Variants in MTMR8 observed in about 807,000 individuals in gnomAD.
The protein encoded by MTMR8 is phosphatidylinositol-3,5-bisphosphate 3-phosphatase MTMR8.
A neutral mutation model predicts 39.3 loss-of-function variants in MTMR8; 65 were observed. That is an observed-to-expected ratio of 1.65 (90% CI 1.35 to 2.03). The LOEUF (loss-of-function observed/expected upper bound fraction) is 2.03. Among genes scored for constraint, MTMR8 ranks in the 30% most tolerant of loss-of-function variants. The pLI, the probability that MTMR8 is intolerant of heterozygous loss-of-function variation, is 0.00. For synonymous variants in MTMR8, 245 were observed against 185.2 expected (o/e 1.32, Z -2.62); for missense variants, 777 against 538.9 (o/e 1.44, Z -4.37).
intron 12 of MTMR8, among the ~76,000 whole-genome samples, chrX:64,280,810 G>A (rs1423431836): frequency 1.8e-5 from 2 of 111,531 alleles, no homozygotes; most frequent in Non-Finnish European, 3.8e-5. Context: ...TATTGTCTCA[G>A]TTCAAAAGCT....
chrX:64,315,856 T>G (rs1197548064), intron 12 of MTMR8, among the ~76,000 whole-genome samples: 2 of 111,697 alleles, frequency 1.8e-5, no homozygotes, highest in South Asian at 3.8e-4. Context: ...TTGATTAATC[T>G]AAAGTGTTTT....
intron 12 of MTMR8, among the ~76,000 whole-genome samples, chrX:64,307,113 C>T (rs1922144908): frequency 8.9e-6 from 1 of 112,021 alleles, no homozygotes; most frequent in Admixed American, 9.5e-5. Flanking sequence ...TTTAACTAGG[C>T]TTGCTTTTAC....
intron 12 of MTMR8, among the ~76,000 whole-genome samples, chrX:64,298,309 G>A (rs1346509207): frequency 5.9e-5 from 6 of 100,981 alleles, no homozygotes; most frequent in African/African-American, 2.3e-4. Flanking sequence ...TCCCTTGTAA[G>A]TTGGATTCCT....
intron 11 of MTMR8, 60 bp from the exon 12 acceptor site, chrX:64,328,960 T>A (rs1450862095): frequency 9.1e-7 from 1 of 1,099,349 alleles, no homozygotes; most frequent in Non-Finnish European, 1.2e-6. Context: ...ATCTCAATAG[T>A]CCTGTTGAAC....
At chrX:64,289,017 TA>T (rs1314468339) in intron 12 of MTMR8, among the ~76,000 whole-genome samples, 1 of 109,221 alleles carries the variant, frequency 9.2e-6, no homozygotes, top group Non-Finnish European at 1.9e-5. Flanking sequence ...TAAAGTATAA[TA>T]AAAAATATAT....
intron 13 of MTMR8, 57 bp downstream of exon 13, chrX:64,270,890 A>C: frequency 8.6e-7 from 1 of 1,161,790 alleles, no homozygotes; most frequent in African/African-American, 1.8e-5. Context: ...AACTCCAAGC[A>C]GGCTGGACCT....
At chrX:64,274,670 A>G (rs765986360) in intron 12 of MTMR8, among the ~76,000 whole-genome samples, 2 of 112,253 alleles carry the variant, frequency 1.8e-5, no homozygotes, top group South Asian at 7.4e-4. Context: ...CCATCAATAG[A>G]TGACTGAATA....
chrX:64,301,859 C>T (rs1341550242), intron 12 of MTMR8, among the ~76,000 whole-genome samples: 2 of 111,825 alleles, frequency 1.8e-5, no homozygotes, highest in Non-Finnish European at 3.8e-5. Flanking sequence ...CTGGGTGGTG[C>T]CTCCCAGTTA....
chrX:64,294,355 C>A lies in MTMR8; in HGVS notation c.1482-23282G>T, dbSNP rs531919829. On this transcript the variant is annotated intron_variant, in intron 12 of 13. Coordinates refer to ENST00000374852, the MANE Select transcript of MTMR8 (RefSeq NM_017677.4). Reference sequence around the variant, plus strand: ...TTTGAGGGTGAAGAGTATATTTTTTCCCAGCCACCTATGGGATACTCAAAT... The same window carrying A: ...TTTGAGGGTGAAGAGTATATTTTTTACCAGCCACCTATGGGATACTCAAAT... Among the ~76,000 whole-genome samples the A allele has an allele frequency of 2.7e-5, 3 of 111,601 alleles. No homozygotes were observed. The South Asian group carries it at 1.1e-3, about 42-fold the overall frequency.
intron 12 of MTMR8, among the ~76,000 whole-genome samples, chrX:64,286,105 A>G (rs1026691860): frequency 8.0e-5 from 9 of 111,987 alleles, no homozygotes; most frequent in Non-Finnish European, 1.7e-4. Context: ...TAAAAGAGAG[A>G]AGAATCAAAT....
intron 12 of MTMR8, among the ~76,000 whole-genome samples, chrX:64,307,929 C>T (rs771835632): frequency 3.3e-4 from 37 of 111,761 alleles, no homozygotes; most frequent in East Asian, 8.4e-4. Flanking sequence ...TTTGCATTTA[C>T]GTATTTATTT....
chrX:64,372,569 C>A (rs1340038026), intron 1 of MTMR8, among the ~76,000 whole-genome samples: 1 of 111,979 alleles, frequency 8.9e-6, no homozygotes, highest in Admixed American at 9.5e-5. Flanking sequence ...ATAAACAGAA[C>A]CATTCAGTAT....
chrX:64,366,411 AG>A (rs1430340311), intron 1 of MTMR8, among the ~76,000 whole-genome samples: 1 of 112,453 alleles, frequency 8.9e-6, no homozygotes, highest in African/African-American at 3.2e-5. Context: ...ACTGTCTCTC[AG>A]ACCACAGTGC....
intron 1 of MTMR8, among the ~76,000 whole-genome samples, chrX:64,361,569 A>G: frequency 8.9e-6 from 1 of 111,734 alleles, no homozygotes; most frequent in South Asian, 3.7e-4. Flanking sequence ...AAGACTAAAA[A>G]GAAAAATCAT....
chrX:64,384,238 G>A (rs1054443293), intron 1 of MTMR8, among the ~76,000 whole-genome samples: 12 of 111,973 alleles, frequency 1.1e-4, no homozygotes, highest in African/African-American at 3.9e-4. Flanking sequence ...CTGCATCTCT[G>A]CCCCTGTGGT....
At position 64,328,816 on chromosome X, in the gene MTMR8, A is replaced by T. The variant is rs745781906; in HGVS notation, c.1437T>A (p.Thr479=). 2 of 1,202,027 alleles carry T rather than the reference A, an allele frequency of 1.7e-6. No individual in the cohort carries two copies. The highest frequency in any genetic ancestry group is 4.6e-5 in the Admixed American group (2 of 43,779). ...TACTAGGATTGAGTACCCCATACAT[A>T]GTGAAGCCTTTATAGAGAGGGTTCC... ...DFRNPLYKGF[T]MYGVLNPSTV... is the part of the protein sequence containing the mutation. The change falls in exon 12 of 14, where the codon ACT becomes ACA. Residue 479 remains threonine (T), a synonymous_variant. Coordinates refer to ENST00000374852, the MANE Select transcript of MTMR8 (RefSeq NM_017677.4).
chrX:64,382,153 G>T (rs1924443967), intron 1 of MTMR8, among the ~76,000 whole-genome samples: 1 of 111,611 alleles, frequency 9.0e-6, no homozygotes, highest in Non-Finnish European at 1.9e-5. Context: ...GTCATTGGTA[G>T]ATTGATGGGG....
chrX:64,288,046 A>T (rs1203338577), intron 12 of MTMR8, among the ~76,000 whole-genome samples: 3 of 87,639 alleles, frequency 3.4e-5, no homozygotes, highest in African/African-American at 1.2e-4. Flanking sequence ...AAAAAAAAAA[A>T]AAACTACCAT....
chrX:64,364,207 C>T (rs1174645430), intron 1 of MTMR8, among the ~76,000 whole-genome samples: 2 of 112,528 alleles, frequency 1.8e-5, no homozygotes, highest in Non-Finnish European at 3.8e-5. Flanking sequence ...CTTAAATGTC[C>T]CTGTCTGACA....
Sources: gnomAD v4.1 joint callset for allele counts (sites outside exome capture counted in the v4.1 genomes callset) on GRCh38, gnomAD v4.1.1 for gene constraint, MANE v1.5 for transcripts, NCBI Gene and HGNC (gene_info 2026-07-23, HGNC 2026-07-21) for gene names.